RCAN2: variants seen among roughly 807,000 people sequenced by gnomAD.
RCAN2 encodes the protein calcipressin-2.
Under a neutral mutation model 23.6 loss-of-function variants are expected in RCAN2, and 9 were observed. The observed-to-expected ratio is 0.38, with a 90% CI of 0.23 to 0.67. RCAN2 has a LOEUF of 0.67. RCAN2 is among the 30% of genes least tolerant of loss of function. The probability of loss-of-function intolerance (pLI) is 0.51; values close to 1 mark genes in which losing one functional copy is unlikely to be tolerated. For missense variants in RCAN2, 273 were observed against 302.3 expected, an observed-to-expected ratio of 0.90 and a Z score of 0.72; for synonymous variants, 109 against 115.7, an observed-to-expected ratio of 0.94 and a Z score of 0.37.
intron 2 of RCAN2, among the ~76,000 whole-genome samples, chr6:46,362,297 T>G (rs1019514413): frequency 6.6e-6 from 1 of 152,124 alleles, no homozygotes; most frequent in African/African-American, 2.4e-5. Flanking sequence ...TGGATGTCGT[T>G]TAAGAGAAAT....
chr6:46,406,729 T>C (rs1272162421), intron 2 of RCAN2, among the ~76,000 whole-genome samples: 2 of 152,272 alleles, frequency 1.3e-5, no homozygotes, highest in Admixed American at 6.5e-5. Flanking sequence ...TATGTACTTA[T>C]AGAGGCTACT....
At chr6:46,389,235 T>C (rs1203715263) in intron 2 of RCAN2, among the ~76,000 whole-genome samples, 3 of 152,190 alleles carry the variant, frequency 2.0e-5, no homozygotes, top group Non-Finnish European at 2.9e-5. Context: ...CAGCTTAATC[T>C]CCCATCACTA....
At position 46,258,290 on chromosome 6, in the gene RCAN2, C is replaced by T. The variant is rs188365287; in HGVS notation, c.226-9394G>A. Among the ~76,000 whole-genome samples, 990 of 152,278 alleles carry T rather than the reference C, an allele frequency of 6.5e-3. 8 individuals are homozygous for T. Among genetic ancestry groups the T allele is most frequent in the Non-Finnish European group, 9.9e-3 (675 of 68,026 alleles). On this transcript the variant is annotated intron_variant, in intron 2 of 4. Coordinates refer to ENST00000371374, the MANE Select transcript of RCAN2 (RefSeq NM_001251974.2). ...GACAGGATGCAGACTCCTTATGTGA[C>T]GGGCATAACTGGCGTGCATGTGAGA...
chr6:46,373,304 G>A (rs1208919670), intron 2 of RCAN2, among the ~76,000 whole-genome samples: 2 of 152,044 alleles, frequency 1.3e-5, no homozygotes, highest in African/African-American at 2.4e-5. Context: ...TCGCTCTGTT[G>A]CCCAGGCTGG....
chr6:46,432,649 G>T (rs528917283), intron 2 of RCAN2, among the ~76,000 whole-genome samples: 1 of 152,150 alleles, frequency 6.6e-6, no homozygotes, highest in Admixed American at 6.5e-5. Context: ...CTTGGCCAAC[G>T]TGTTCACTGA....
chr6:46,418,011 A>G (rs1766761637), intron 2 of RCAN2, among the ~76,000 whole-genome samples: 1 of 152,170 alleles, frequency 6.6e-6, no homozygotes, highest in Non-Finnish European at 1.5e-5. Flanking sequence ...GTCTGGTGCA[A>G]ATGCCAATGT....
At chr6:46,251,064 T>C (rs1019098423) in intron 2 of RCAN2, among the ~76,000 whole-genome samples, 3 of 152,234 alleles carry the variant, frequency 2.0e-5, no homozygotes, top group Non-Finnish European at 2.9e-5. Context: ...TTTGTGACAT[T>C]TGTGGAGATT....
chr6:46,462,459 C>T (rs565443019), intron 1 of RCAN2, among the ~76,000 whole-genome samples: 1 of 152,100 alleles, frequency 6.6e-6, no homozygotes, highest in East Asian at 1.9e-4. Context: ...AATTTTCATC[C>T]AAGATTTTCA....
intron 2 of RCAN2, among the ~76,000 whole-genome samples, chr6:46,431,061 G>A (rs1375449281): frequency 6.6e-6 from 1 of 152,120 alleles, no homozygotes. Flanking sequence ...CTTTCTGCTG[G>A]AAAGTTCAAG....
intron 2 of RCAN2, among the ~76,000 whole-genome samples, chr6:46,443,216 G>A (rs1169057655): frequency 2.0e-5 from 3 of 152,074 alleles, no homozygotes; most frequent in African/African-American, 4.8e-5. Flanking sequence ...ACTGTTACCT[G>A]CTTTAATATT....
chr6:46,429,457 T>G (rs1004359027), intron 2 of RCAN2, among the ~76,000 whole-genome samples: 7 of 152,230 alleles, frequency 4.6e-5, no homozygotes, highest in African/African-American at 1.7e-4. Context: ...AACTTCTTGG[T>G]AGACTGCAGA....
At chr6:46,405,683 C>T (rs1046241516) in intron 2 of RCAN2, among the ~76,000 whole-genome samples, 27 of 152,354 alleles carry the variant, frequency 1.8e-4, no homozygotes, top group African/African-American at 6.3e-4. Context: ...CCACCAGACT[C>T]AGGAGCCCAG....
intron 2 of RCAN2, among the ~76,000 whole-genome samples, chr6:46,338,521 G>C (rs1764209952): frequency 6.6e-6 from 1 of 152,110 alleles, no homozygotes; most frequent in Admixed American, 6.5e-5. Flanking sequence ...TAGGCAATGG[G>C]GAGTGAATTT....
chr6:46,404,014 G>A (rs1332404742), intron 2 of RCAN2, among the ~76,000 whole-genome samples: 3 of 152,144 alleles, frequency 2.0e-5, no homozygotes, highest in Non-Finnish European at 4.4e-5. Flanking sequence ...CTAAGGTCAG[G>A]AGTTCAAGAC....
At chr6:46,228,248 TC>T (rs1765747532) in intron 4 of RCAN2, among the ~76,000 whole-genome samples, 2 of 152,218 alleles carry the variant, frequency 1.3e-5, no homozygotes, top group South Asian at 4.1e-4. Context: ...GAATGTATAT[TC>T]TGTTGATTTG....
chr6:46,258,140 T>C (rs1175889232), intron 2 of RCAN2, among the ~76,000 whole-genome samples: 1 of 152,214 alleles, frequency 6.6e-6, no homozygotes, highest in Non-Finnish European at 1.5e-5. Context: ...TACTAGAAAC[T>C]GCCAAAGAGT....
At chr6:46,339,866 A>G (rs1764249756) in intron 2 of RCAN2, among the ~76,000 whole-genome samples, 6 of 152,162 alleles carry the variant, frequency 3.9e-5, no homozygotes. Flanking sequence ...TTCTGAGACT[A>G]CACTGGGAAT....
intron 2 of RCAN2, among the ~76,000 whole-genome samples, chr6:46,432,167 T>G (rs985558397): frequency 2.0e-5 from 3 of 152,204 alleles, no homozygotes; most frequent in African/African-American, 7.2e-5. Context: ...CCATAATAAC[T>G]ATTTTGTGTA....
At chr6:46,472,680 G>T (rs1411102712) in intron 1 of RCAN2, among the ~76,000 whole-genome samples, 1 of 152,064 alleles carries the variant, frequency 6.6e-6, no homozygotes, top group Non-Finnish European at 1.5e-5. Flanking sequence ...TGTTCACATT[G>T]TATCTCTAGA....
Sources: allele counts gnomAD v4.1 joint callset (sites outside exome capture counted in the v4.1 genomes callset), GRCh38; gene constraint gnomAD v4.1.1; transcripts MANE v1.5; gene names NCBI Gene and HGNC (gene_info 2026-07-23, HGNC 2026-07-21).